The following CCDC93 variants were observed in gnomAD, a reference collection of about 807,000 sequenced individuals.
The protein encoded by CCDC93 is CCC complex scaffolding subunit CCDC93, also known as coiled-coil domain-containing protein 93.
A neutral mutation model predicts 108.2 loss-of-function variants in CCDC93; 61 were observed. The ratio of observed to expected loss-of-function variants is 0.56; its 90% confidence interval spans 0.46 to 0.70. The LOEUF is 0.70. Among genes scored for constraint, CCDC93 ranks in the 30% least tolerant of loss-of-function variants. The pLI is 0.00. For missense variants in CCDC93, 685 were observed against 764.2 expected, an observed-to-expected ratio of 0.90 and a Z score of 1.22; for synonymous variants, 276 against 260.4, an observed-to-expected ratio of 1.06 and a Z score of -0.58.
rs1011122471 is a variant in CCDC93, at chr2:117,936,716, A to G, written c.1629T>C (p.His543=). The change falls in exon 21 of 24, where the codon CAT becomes CAC. Residue 543 remains histidine (H), a synonymous_variant. Transcript: ENST00000376300. The part of the protein sequence containing the change: ...EKEISLLNSI[H]ENFSQAMASP... ...ACAGTACTTACTGTGAGAAGTTCTC[A>G]TGAATTGAGTTCAGCAGACTAATCT... 29 of 1,613,434 alleles carry G rather than the reference A, an allele frequency of 1.8e-5. No individual in the cohort carries two copies. Among genetic ancestry groups the G allele is most frequent in the Non-Finnish European group, 2.4e-5 (28 of 1,179,306 alleles).
chr2:117,943,838 T>C (rs946364640), intron 18 of CCDC93, among the ~76,000 whole-genome samples, 186 bp downstream of exon 18: 2 of 152,240 alleles, frequency 1.3e-5, no homozygotes, highest in African/African-American at 4.8e-5. Flanking sequence ...ATACCAACAA[T>C]GTGAGATGTT....
chr2:117,972,781 T>C (rs1050707996), intron 11 of CCDC93, among the ~76,000 whole-genome samples: 11 of 152,220 alleles, frequency 7.2e-5, no homozygotes, highest in African/African-American at 2.7e-4. Flanking sequence ...TTTGTACTTT[T>C]AGGATAACAA....
At chr2:117,924,833 T>A (rs547840245) in intron 23 of CCDC93, among the ~76,000 whole-genome samples, 2 of 152,262 alleles carry the variant, frequency 1.3e-5, no homozygotes, top group Non-Finnish European at 2.9e-5. Flanking sequence ...ATTGTCAGAT[T>A]CACCAAAGTT....
At chr2:118,007,386 A>G (rs4848481) in intron 2 of CCDC93, among the ~76,000 whole-genome samples, 147,676 of 152,340 alleles carry the variant, frequency 0.97, 71,766 homozygotes, top group Middle Eastern at 1. Context: ...AAAAATAACA[A>G]TAAGGCTGGG....
chr2:118,012,684 TC>T, intron 1 of CCDC93: 1 of 152,324 alleles, frequency 6.6e-6, no homozygotes. Flanking sequence ...CTGGGTCCCA[TC>T]CCAGGCAACG....
In CCDC93 at chr2:117,995,538, A is replaced by C. The variant is rs78526432; in HGVS notation, c.463-36T>G. On this transcript the variant is annotated intron_variant, in intron 5 of 23. Transcript: ENST00000376300. ...AAACAGAGCGATTAAACAAATCCCA[A>C]GGGAAAATTAAAACTCAAGTGGACC... The C allele has an allele frequency of 1.9e-3, 2,886 of 1,549,878 alleles. 43 individuals carry two copies. In the African/African-American group the frequency reaches 0.037, roughly 20 times the overall value.
intron 3 of CCDC93, 187 bp from the exon 4 acceptor site, chr2:118,001,119 G>T (rs1415288927): frequency 9.9e-6 from 5 of 504,808 alleles, no homozygotes; most frequent in Non-Finnish European, 1.8e-5. Flanking sequence ...GTGTGTAGGT[G>T]TGTGGTCACA....
At chr2:117,996,742 C>T (rs1680664734) in intron 4 of CCDC93, 1 of 158,162 alleles carries the variant, frequency 6.3e-6, no homozygotes, top group East Asian at 1.8e-4. Context: ...GAGCTATCTC[C>T]CAACTTCCTG....
At chr2:117,954,009 G>A (rs1679142481) in intron 12 of CCDC93, among the ~76,000 whole-genome samples, 1 of 152,126 alleles carries the variant, frequency 6.6e-6, no homozygotes, top group African/African-American at 2.4e-5. Context: ...TTGGTGCCTC[G>A]ATCTTGGACT....
rs1677722214 is a variant in CCDC93 at position 117,917,465 on chromosome 2, G to T, written c.*2878C>A. Reference sequence around the variant, plus strand: ...CCTGGACCTTCTGGTTGTGCTGATGGACTCAGCGGACACTGGCAGGACCCA... The same window carrying T: ...CCTGGACCTTCTGGTTGTGCTGATGTACTCAGCGGACACTGGCAGGACCCA... On this transcript the variant is annotated 3_prime_UTR_variant, in exon 24 of 24. Transcript: ENST00000376300. 6.5e-6 allele frequency: 1 copy of T among 152,680 alleles called. No individual in the cohort carries two copies. The highest frequency in any genetic ancestry group is 2.4e-5 in the African/African-American group (1 of 41,440). 9.5% of individuals were successfully genotyped at this position (152,680 alleles called of 1,614,324 possible). A position where few individuals can be genotyped will look rare whatever the true frequency, so the allele number is the denominator to read the frequency against.
At position 117,974,868 on chromosome 2, in the gene CCDC93, G is replaced by A. The variant is rs775878149; in HGVS notation, c.783C>T (p.Thr261=). 3.1e-5 allele frequency: 49 copies of A among 1,569,724 alleles called. No individual in the cohort carries two copies. The highest frequency in any genetic ancestry group is 5.6e-5 in the Admixed American group (3 of 53,840). Reference sequence around the variant, plus strand: ...CACTCACCTCCTCATTTGCCATAGCGGTCATCTTGGTCATCAGCGACTGAA... The same window carrying A: ...CACTCACCTCCTCATTTGCCATAGCAGTCATCTTGGTCATCAGCGACTGAA... The part of the protein sequence containing the change: ...QRIQSLMTKM[T]AMANEESRLT... Residue 261 remains threonine (T), a synonymous_variant, in exon 10 of 24, where the codon ACC becomes ACT. Transcript: ENST00000376300.
At chr2:117,927,967 C>T (rs995832550) in intron 23 of CCDC93, among the ~76,000 whole-genome samples, 3 of 152,162 alleles carry the variant, frequency 2.0e-5, no homozygotes, top group Non-Finnish European at 4.4e-5. Context: ...ACATCTACAA[C>T]CATCTGATCT....
intron 23 of CCDC93, 23 bp from the exon 24 acceptor site, chr2:117,920,419 A>G (rs769556593): frequency 3.1e-6 from 5 of 1,591,528 alleles, no homozygotes; most frequent in Admixed American, 1.7e-5. Context: ...CAGAGAGTAT[A>G]GAGAGAGTGG....
chr2:117,932,733 GCATGGGTCT>G (rs1573466333), intron 22 of CCDC93, among the ~76,000 whole-genome samples: 1 of 152,160 alleles, frequency 6.6e-6, no homozygotes, highest in African/African-American at 2.4e-5. Context: ...AATGCTGCCT[GCATGGGTCT>G]CTGACACCCA....
intron 6 of CCDC93, among the ~76,000 whole-genome samples, chr2:117,986,860 CAT>C (rs1680335901): frequency 6.6e-6 from 1 of 152,014 alleles, no homozygotes; most frequent in Admixed American, 6.6e-5. Context: ...CTATAAATAA[CAT>C]AAAACAGACT....
At chr2:117,985,948 A>T in intron 7 of CCDC93, 21 bp downstream of exon 7, 1 of 1,433,724 alleles carries the variant, frequency 7.0e-7, no homozygotes, top group Non-Finnish European at 9.8e-7. Context: ...AGAGACACCT[A>T]GACTGGGTCC....
intron 11 of CCDC93, 72 bp downstream of exon 11, chr2:117,973,836 G>A (rs1324402495): frequency 3.5e-6 from 4 of 1,152,356 alleles, no homozygotes; most frequent in Non-Finnish European, 5.1e-6. Flanking sequence ...TGGGGTAGTG[G>A]GGTAAGGAAG....
chr2:117,966,007 C>T (rs1034820670), intron 11 of CCDC93, among the ~76,000 whole-genome samples: 3 of 152,114 alleles, frequency 2.0e-5, no homozygotes, highest in Admixed American at 1.3e-4. Context: ...GAAATAACAA[C>T]GTGAAGGCAA....
intron 1 of CCDC93, among the ~76,000 whole-genome samples, chr2:118,011,667 A>C (rs1268042405): frequency 2.7e-5 from 4 of 150,930 alleles, no homozygotes; most frequent in Admixed American, 6.6e-5. Context: ...AGAAGAAGAC[A>C]AAAAAAACCA....
Sources: allele counts gnomAD v4.1 joint callset (sites outside exome capture counted in the v4.1 genomes callset), GRCh38; gene constraint gnomAD v4.1.1; transcripts MANE v1.5; gene names NCBI Gene and HGNC (gene_info 2026-07-23, HGNC 2026-07-21).